RNF8: variants seen among roughly 807,000 people sequenced by gnomAD.
RNF8 encodes E3 ubiquitin-protein ligase RNF8.
Under a neutral mutation model 59.3 loss-of-function variants are expected in RNF8, and 8 were observed. That is an observed-to-expected ratio of 0.13 (90% confidence interval 0.08 to 0.24). The LOEUF (loss-of-function observed/expected upper bound fraction) is 0.24, where lower values mean the gene tolerates loss of function less well. Ranked by LOEUF, RNF8 falls within the 10% of genes least tolerant of loss-of-function variation. The pLI is 1.00. For synonymous variants in RNF8, 162 were observed against 200.0 expected (o/e 0.81, Z 1.60); for missense variants, 406 against 572.6 (o/e 0.71, Z 2.97).
At chr6:37,386,155 C>T (rs1246709577) in intron 7 of RNF8, among the ~76,000 whole-genome samples, 2 of 152,076 alleles carry the variant, frequency 1.3e-5, no homozygotes, top group African/African-American at 4.8e-5. Flanking sequence ...TCCCCTATCA[C>T]TCTTATTGGC....
intron 1 of RNF8, among the ~76,000 whole-genome samples, chr6:37,355,515 C>T (rs534348477): frequency 2.2e-3 from 340 of 152,160 alleles, no homozygotes; most frequent in African/African-American, 7.6e-3. Flanking sequence ...AAGCAGTCAT[C>T]GTATAAAGAA....
chr6:37,377,957 G>A (rs1770088621), intron 6 of RNF8, among the ~76,000 whole-genome samples: 1 of 152,184 alleles, frequency 6.6e-6, no homozygotes, highest in Non-Finnish European at 1.5e-5. Flanking sequence ...TTAGACCACA[G>A]ATGTTAAATT....
intron 6 of RNF8, among the ~76,000 whole-genome samples, chr6:37,380,948 G>A (rs550488570): frequency 1.3e-5 from 2 of 152,200 alleles, no homozygotes; most frequent in East Asian, 3.9e-4. Context: ...CTTCCGAAGT[G>A]CCAGGATTAC....
chr6:37,385,623 C>CA (rs1023928044), intron 7 of RNF8, among the ~76,000 whole-genome samples: 2 of 150,996 alleles, frequency 1.3e-5, no homozygotes, highest in South Asian at 2.1e-4. Context: ...GACTTCGTCT[C>CA]AAAAAAACGA....
At chr6:37,366,964 A>C (rs1052285196) in intron 2 of RNF8, among the ~76,000 whole-genome samples, 15 of 152,226 alleles carry the variant, frequency 9.9e-5, no homozygotes, top group Admixed American at 4.6e-4. Context: ...AGGCTATGCC[A>C]TGTAATCCCA....
chr6:37,364,048 G>A (rs1268023563), intron 2 of RNF8, among the ~76,000 whole-genome samples: 2 of 151,902 alleles, frequency 1.3e-5, no homozygotes, highest in South Asian at 2.1e-4. Flanking sequence ...GCGTGGTGGC[G>A]GGTGCCTGTG....
chr6:37,371,179 T>C (rs1015081142), intron 3 of RNF8, among the ~76,000 whole-genome samples: 5 of 152,100 alleles, frequency 3.3e-5, no homozygotes, highest in Non-Finnish European at 5.9e-5. Context: ...GTTTAGGTAT[T>C]TGGGGGCTCA....
chr6:37,380,495 C>T (rs1770207825), intron 6 of RNF8, among the ~76,000 whole-genome samples: 1 of 151,778 alleles, frequency 6.6e-6, no homozygotes, highest in South Asian at 2.1e-4. Context: ...ACGGTGAAAC[C>T]CCGTCTCTAC....
At chr6:37,387,168 C>T (rs1427674554) in intron 7 of RNF8, among the ~76,000 whole-genome samples, 1 of 152,174 alleles carries the variant, frequency 6.6e-6, no homozygotes, top group East Asian at 1.9e-4. Context: ...GATATATATT[C>T]TGTCCAACTG....
At chr6:37,373,396 A>G (rs1381850103) in intron 4 of RNF8, among the ~76,000 whole-genome samples, 1 of 151,978 alleles carries the variant, frequency 6.6e-6, no homozygotes, top group East Asian at 1.9e-4. Flanking sequence ...GGGGGCACCT[A>G]TTTTCCCATT....
Position 37,360,583 on chromosome 6 carries a change from A to G in RNF8, c.240+9A>G. 6.2e-7 allele frequency: 1 copy of G among 1,610,142 alleles called. No homozygotes were observed. Among genetic ancestry groups the G allele is most frequent in the Non-Finnish European group, 8.5e-7 (1 of 1,177,470 alleles). On this transcript the variant is annotated intron_variant, in intron 2 of 7. Coordinates refer to ENST00000373479, the MANE Select transcript of RNF8 (RefSeq NM_003958.4). This position sits in a 1 kb window ranked among gnomAD's most constrained non-coding sequence, Gnocchi z 4.2. ...CAATTATGGACAACAAGGTACAGGA[A>G]TTCACAGAAGCCTAATGACTTTTAT...
chr6:37,368,840 C>A lies in RNF8; in HGVS notation c.597C>A (p.Pro199=). ...SQGKGEVAST[P]SDNLDPKLTA... is the part of the protein sequence containing the mutation. ...GGAAAGGTGAAGTGGCCAGTACACC[C>A]TCTGACAATTTGGATCCTAAGTTGA... is the stretch of plus-strand genomic sequence containing the variant. Residue 199 remains proline, a synonymous_variant, in exon 3 of 8, where the codon CCC becomes CCA. Transcript: ENST00000373479. 6.2e-7 allele frequency: 1 copy of A among 1,614,086 alleles called. No homozygotes were observed. The highest frequency in any genetic ancestry group is 8.5e-7 in the Non-Finnish European group (1 of 1,179,992).
At chr6:37,368,332 C>A (rs1423936916) in intron 2 of RNF8, 152 bp from the exon 3 acceptor site, 9 of 1,579,816 alleles carry the variant, frequency 5.7e-6, no homozygotes, top group African/African-American at 1.3e-5. Flanking sequence ...AATGCTGTTT[C>A]TAAGGATGGT....
chr6:37,365,966 G>T (rs375982253), intron 2 of RNF8, among the ~76,000 whole-genome samples: 3 of 152,248 alleles, frequency 2.0e-5, no homozygotes, highest in East Asian at 3.9e-4. Context: ...GTAATGAATG[G>T]GTAAATGTAC....
chr6:37,357,460 G>A (rs1769164886), intron 1 of RNF8, among the ~76,000 whole-genome samples: 1 of 152,190 alleles, frequency 6.6e-6, no homozygotes, highest in South Asian at 2.1e-4. Flanking sequence ...CACAATGGCA[G>A]TCTGGCTGTC....
chr6:37,370,286 C>T (rs762792745), intron 3 of RNF8: 15 of 152,186 alleles, frequency 9.9e-5, no homozygotes, highest in Non-Finnish European at 1.3e-4. Context: ...AGAGTATACA[C>T]TGCTTACTTA....
chr6:37,371,758 A>G (rs1307293096), intron 4 of RNF8, among the ~76,000 whole-genome samples, 184 bp downstream of exon 4: 1 of 152,196 alleles, frequency 6.6e-6, no homozygotes, highest in Non-Finnish European at 1.5e-5. Context: ...CAAACATGCC[A>G]GACCTCAGCA....
chr6:37,382,185 T>C (rs1425343086), intron 7 of RNF8, among the ~76,000 whole-genome samples: 1 of 152,120 alleles, frequency 6.6e-6, no homozygotes, highest in Non-Finnish European at 1.5e-5. Context: ...GCGGAGGAGA[T>C]AGAAAGGCAA....
Position 37,391,698 on chromosome 6 carries a change from G to C in RNF8, c.*940G>C, listed in dbSNP as rs1175480779. 6.6e-6 allele frequency: 1 copy of C among 152,004 alleles called. No homozygotes were observed. The highest frequency in any genetic ancestry group is 2.4e-5 in the African/African-American group (1 of 41,360). The allele number at this position is 152,004 out of a possible 1,614,324, so 9.4% of individuals were successfully genotyped here. On this transcript the variant is annotated 3_prime_UTR_variant, in exon 8 of 8. Coordinates refer to ENST00000373479, the MANE Select transcript of RNF8 (RefSeq NM_003958.4). Reference sequence around the variant, plus strand: ...AACAAGATCTGACTCTGTTGCCCAAGCTGGAGTACAGTAGTGCAATCTCAG... The same window carrying C: ...AACAAGATCTGACTCTGTTGCCCAACCTGGAGTACAGTAGTGCAATCTCAG...
Sources: allele counts gnomAD v4.1 joint callset (sites outside exome capture counted in the v4.1 genomes callset), GRCh38; gene constraint gnomAD v4.1.1; non-coding constraint Gnocchi (gnomAD v3.1); transcripts MANE v1.5; gene names NCBI Gene and HGNC (gene_info 2026-07-23, HGNC 2026-07-21).